The following KCNMA1 variants were observed in gnomAD, a reference collection of about 807,000 sequenced individuals.
KCNMA1 encodes the protein potassium calcium-activated channel subfamily M alpha 1.
KCNMA1 carries 29 observed loss-of-function variants against 140.0 expected under a neutral mutation model. The observed-to-expected ratio is 0.21, with a 90% CI of 0.15 to 0.28. The LOEUF (loss-of-function observed/expected upper bound fraction) is 0.28. Ranked by LOEUF, KCNMA1 falls within the 10% of genes least tolerant of loss-of-function variation. The pLI is 1.00. For synonymous variants in KCNMA1, 612 were observed against 611.9 expected, an observed-to-expected ratio of 1.00 and a Z score of 0.00; for missense variants, 880 against 1,602.2, an observed-to-expected ratio of 0.55 and a Z score of 7.70.
chr10:77,294,251 C>T (rs2074266893), intron 2 of KCNMA1, among the ~76,000 whole-genome samples: 1 of 152,224 alleles, frequency 6.6e-6, no homozygotes, highest in Non-Finnish European at 1.5e-5. Flanking sequence ...TTTGCAGTGG[C>T]TCACCCAATG....
chr10:77,039,737 T>G, intron 14 of KCNMA1, 100 bp from the exon 15 acceptor site: 2 of 757,622 alleles, frequency 2.6e-6, no homozygotes, highest in Non-Finnish European at 4.7e-6. Context: ...AATGCACTGG[T>G]TAGATAATGG....
chr10:76,887,511 C>T lies in KCNMA1; in HGVS notation c.3466G>A (p.Val1156Ile). Residue 1156 changes from valine to isoleucine, a missense_variant, in exon 28 of 28, where the codon GTC (valine) becomes ATC (isoleucine). By Grantham distance (29) the Val-to-Ile change is conservative. Transcript: ENST00000286628. ...STPSQCTKRY[V>I]ITNPPYEFEL... ...AACTCATAGGGCGGGTTGGTGATGA[C>T]ATACCTGGACAGGGAAAGCAGAGAT... is the stretch of plus-strand genomic sequence containing the variant. The T allele has an allele frequency of 1.2e-6, 2 of 1,614,148 alleles. No homozygotes were observed. The highest frequency in any genetic ancestry group is 1.7e-6 in the Non-Finnish European group (2 of 1,180,014).
chr10:77,319,929 T>C (rs1313112494), intron 2 of KCNMA1, among the ~76,000 whole-genome samples: 5 of 152,232 alleles, frequency 3.3e-5, no homozygotes, highest in South Asian at 2.1e-4. Flanking sequence ...GTGGGGGCTG[T>C]CTGTTACTGT....
intron 1 of KCNMA1, among the ~76,000 whole-genome samples, chr10:77,578,645 T>G (rs2154562456): frequency 6.6e-6 from 1 of 152,268 alleles, no homozygotes; most frequent in Non-Finnish European, 1.5e-5. Context: ...GAAAGAGATC[T>G]CATCTTCCCT....
intron 26 of KCNMA1, 74 bp from the exon 27 acceptor site, chr10:76,889,643 G>C: frequency 8.8e-7 from 1 of 1,141,062 alleles, no homozygotes; most frequent in South Asian, 1.2e-5. Flanking sequence ...CAGGGAAACG[G>C]GTCTTTTCAT....
At chr10:76,943,570 G>A (rs549309921) in intron 23 of KCNMA1, among the ~76,000 whole-genome samples, 1 of 152,288 alleles carries the variant, frequency 6.6e-6, no homozygotes, top group African/African-American at 2.4e-5. Context: ...GTCTGCCAGG[G>A]TCTGGCTGCA....
chr10:77,437,823 G>A (rs1490729733), intron 1 of KCNMA1, among the ~76,000 whole-genome samples: 5 of 152,108 alleles, frequency 3.3e-5, no homozygotes, highest in Admixed American at 2.6e-4. Flanking sequence ...TGGCTGACTC[G>A]GGTCGTCTTC....
chr10:77,562,232 G>C (rs188774725), intron 1 of KCNMA1, among the ~76,000 whole-genome samples: 2 of 152,366 alleles, frequency 1.3e-5, no homozygotes, highest in Non-Finnish European at 2.9e-5. Flanking sequence ...GATCTTCAGA[G>C]AGGCTCAGCT....
intron 14 of KCNMA1, among the ~76,000 whole-genome samples, chr10:77,070,125 T>A (rs1312307772): frequency 6.6e-6 from 1 of 152,106 alleles, no homozygotes; most frequent in Non-Finnish European, 1.5e-5. Context: ...CAGTAATCCC[T>A]CTTTCTTTTA....
intron 14 of KCNMA1, among the ~76,000 whole-genome samples, chr10:77,054,822 C>T (rs1238265239): frequency 6.6e-6 from 1 of 152,072 alleles, no homozygotes; most frequent in Non-Finnish European, 1.5e-5. Context: ...TACAGGTGCC[C>T]CTAAGTTTCT....
chr10:77,307,035 G>C (rs887781461), intron 2 of KCNMA1, among the ~76,000 whole-genome samples: 1 of 152,204 alleles, frequency 6.6e-6, no homozygotes, highest in African/African-American at 2.4e-5. Flanking sequence ...GTCATCCCCA[G>C]ACCAGTTGAC....
intron 1 of KCNMA1, among the ~76,000 whole-genome samples, chr10:77,566,793 TG>T (rs1474979253): frequency 1.3e-5 from 2 of 152,026 alleles, no homozygotes; most frequent in Non-Finnish European, 2.9e-5. Context: ...ACTCACTTCG[TG>T]GCATGAAAAC....
In KCNMA1 at chr10:76,920,032, A is replaced by G. The variant is rs1167498927; in HGVS notation, c.2903-4983T>C. Among the ~76,000 whole-genome samples, 104 of 104,556 alleles carry G rather than the reference A, an allele frequency of 9.9e-4. 4 individuals are homozygous for G. Among genetic ancestry groups the G allele is most frequent in the East Asian group, 4.3e-3 (15 of 3,512 alleles). 68.6% of individuals were successfully genotyped at this position (104,556 alleles called of 152,430 possible). A position where few individuals can be genotyped will look rare whatever the true frequency, so the allele number is the denominator to read the frequency against. On this transcript the variant is annotated intron_variant, in intron 23 of 27. Coordinates refer to ENST00000286628, the MANE Select transcript of KCNMA1 (RefSeq NM_001161352.2). Reference sequence around the variant, plus strand: ...TGTGTGTGTGTGTGTATATATATATATATATATATATATATATATACACAC... The same window carrying G: ...TGTGTGTGTGTGTGTATATATATATGTATATATATATATATATATACACAC...
At chr10:76,872,325 C>G (rs536831781), downstream of KCNMA1, 2 of 152,278 alleles carry the variant, frequency 1.3e-5, no homozygotes, top group South Asian at 2.1e-4. Context: ...TTGGAGTGTG[C>G]ACCCTTTAGC....
intron 1 of KCNMA1, among the ~76,000 whole-genome samples, chr10:77,408,803 G>A (rs748988758): frequency 5.9e-5 from 9 of 152,124 alleles, no homozygotes; most frequent in Admixed American, 2.6e-4. Flanking sequence ...AAAGGGATTC[G>A]GCCTTGCACT....
intron 23 of KCNMA1, chr10:76,929,876 A>T (rs2058822122): frequency 6.6e-6 from 1 of 151,726 alleles, no homozygotes; most frequent in Admixed American, 6.6e-5. Context: ...AAGAACACAC[A>T]ATAGGTAAAG....
chr10:77,567,121 C>T (rs76451318), intron 1 of KCNMA1, among the ~76,000 whole-genome samples: 2,231 of 152,204 alleles, frequency 0.015, 60 homozygotes, highest in African/African-American at 0.051. Context: ...AGACAGAGCA[C>T]GGGATGCCTG....
chr10:76,959,937 T>A (rs538724693), intron 20 of KCNMA1, among the ~76,000 whole-genome samples: 1 of 152,180 alleles, frequency 6.6e-6, no homozygotes, highest in Non-Finnish European at 1.5e-5. Context: ...CATGCTCAGG[T>A]GGCACAGCCA....
At chr10:77,376,200 G>A (rs1365852613) in intron 2 of KCNMA1, among the ~76,000 whole-genome samples, 1 of 152,170 alleles carries the variant, frequency 6.6e-6, no homozygotes, top group East Asian at 1.9e-4. Context: ...CCACCCAGGG[G>A]GCTGCCGTGT....
Sources: allele counts gnomAD v4.1 joint callset (sites outside exome capture counted in the v4.1 genomes callset), GRCh38; gene constraint gnomAD v4.1.1; transcripts MANE v1.5; gene names NCBI Gene and HGNC (gene_info 2026-07-23, HGNC 2026-07-21).